The following FRMD6 variants were observed in gnomAD, a reference collection of about 807,000 sequenced individuals.
FRMD6 encodes the protein FERM domain containing 6.
Under a neutral mutation model 73.2 loss-of-function variants are expected in FRMD6, and 37 were observed. The observed-to-expected ratio is 0.51, with a 90% CI of 0.39 to 0.66. The LOEUF is 0.66. Ranked by LOEUF, FRMD6 falls within the 30% of genes least tolerant of loss-of-function variation. FRMD6 has a pLI of 0.00. For missense variants in FRMD6, 714 were observed against 780.5 expected (o/e 0.91, Z 1.02); for synonymous variants, 273 against 282.2 (o/e 0.97, Z 0.33).
the FRMD6 span, among the ~76,000 whole-genome samples, chr14:51,409,340 C>CTTTTTTTTTTTTTTTTTTTTTTTTTTG: frequency 1.2e-5 from 1 of 84,142 alleles, no homozygotes. Context: ...AAGTTTTTTG[C>CTTTTTTTTTTTTTTTTTTTTTTTTTTG]TTTTTTTTTT....
chr14:51,703,043 C>T (rs1443335072), intron 5 of FRMD6, among the ~76,000 whole-genome samples: 1 of 151,952 alleles, frequency 6.6e-6, no homozygotes. Context: ...TTTATATAAT[C>T]GGTTTTCTTT....
At chr14:51,489,516 A>G (rs10484092) in intron 1 of FRMD6, 7,470 of 152,522 alleles carry the variant, frequency 0.049, 344 homozygotes, top group East Asian at 0.17. Context: ...CAGTAGAATC[A>G]TCGAAGGGTT....
chr14:51,590,032 C>T (rs1889292865), intron 2 of FRMD6, among the ~76,000 whole-genome samples: 1 of 142,440 alleles, frequency 7.0e-6, no homozygotes, highest in Admixed American at 7.3e-5. Context: ...CGTGCTACCG[C>T]ACTCCAGCCT....
At chr14:51,614,169 G>T (rs1050130395) in intron 2 of FRMD6, among the ~76,000 whole-genome samples, 2 of 152,058 alleles carry the variant, frequency 1.3e-5, no homozygotes, top group Non-Finnish European at 2.9e-5. Flanking sequence ...ACACATCTGC[G>T]CTTGGTTAAG....
intron 2 of FRMD6, among the ~76,000 whole-genome samples, chr14:51,632,294 G>C (rs890111864): frequency 2.0e-5 from 3 of 152,174 alleles, no homozygotes; most frequent in Non-Finnish European, 4.4e-5. Context: ...CCTTATAGCA[G>C]CGTGAGAATG....
intron 9 of FRMD6, among the ~76,000 whole-genome samples, chr14:51,713,385 G>A (rs1897056451): frequency 6.7e-6 from 1 of 150,134 alleles, no homozygotes; most frequent in African/African-American, 2.5e-5. Context: ...TTGAACCCGA[G>A]AGGCGATGGT....
At chr14:51,463,744 C>G in the FRMD6 span, among the ~76,000 whole-genome samples, 9,663 of 152,284 alleles carry the variant, frequency 0.063, 561 homozygotes, top group Admixed American at 0.19. Context: ...GTATTGAGTA[C>G]TTACCCACAA....
intron 1 of FRMD6, among the ~76,000 whole-genome samples, chr14:51,665,869 C>T (rs1008575978): frequency 1.3e-5 from 2 of 152,198 alleles, no homozygotes; most frequent in Admixed American, 6.5e-5. Context: ...GCCCTCTTCT[C>T]GTCTGCCGCC....
intron 13 of FRMD6, among the ~76,000 whole-genome samples, chr14:51,727,432 T>G (rs1898033865): frequency 1.3e-5 from 2 of 152,236 alleles, no homozygotes; most frequent in South Asian, 4.1e-4. Context: ...TTTGGATTAT[T>G]TGTAAAATGA....
Position 51,673,884 on chromosome 14 carries a change from T to C in FRMD6, c.-146-15807T>C, listed in dbSNP as rs184365420. ...GACAAGTTAAGAGTCTGAAAGGAAGTATTTCTTTTTTATTATCAGAATCTT... is the reference window on the plus strand; with the variant it reads ...GACAAGTTAAGAGTCTGAAAGGAAGCATTTCTTTTTTATTATCAGAATCTT... On this transcript the variant is annotated intron_variant, in intron 1 of 13. Coordinates refer to ENST00000344768, the MANE Select transcript of FRMD6 (RefSeq NM_001267046.2). 1.6e-4 allele frequency among the ~76,000 whole-genome samples: 25 copies of C among 152,324 alleles called. No individual in the cohort carries two copies. The South Asian group carries it at 1.7e-3, about 10-fold the overall frequency.
At chr14:51,562,497 G>T (rs555055114) in intron 1 of FRMD6, among the ~76,000 whole-genome samples, 1 of 152,204 alleles carries the variant, frequency 6.6e-6, no homozygotes, top group African/African-American at 2.4e-5. Context: ...GAATGAGTAC[G>T]AGTGGGAAGT....
intron 2 of FRMD6, among the ~76,000 whole-genome samples, chr14:51,634,777 C>G (rs909149946): frequency 2.0e-5 from 3 of 152,164 alleles, no homozygotes; most frequent in African/African-American, 7.2e-5. Context: ...TCTGGCCCTG[C>G]CACTAGTTAG....
chr14:51,599,661 C>T (rs949402903), intron 2 of FRMD6, among the ~76,000 whole-genome samples: 2 of 152,100 alleles, frequency 1.3e-5, no homozygotes, highest in African/African-American at 2.4e-5. Flanking sequence ...AAGCAATTAA[C>T]CTCATTAAAA....
chr14:51,635,586 G>A (rs1274617641), intron 2 of FRMD6, among the ~76,000 whole-genome samples: 1 of 152,194 alleles, frequency 6.6e-6, no homozygotes, highest in Non-Finnish European at 1.5e-5. Context: ...AACGTTTTAA[G>A]TAAATTTTAC....
intron 2 of FRMD6, among the ~76,000 whole-genome samples, chr14:51,603,544 A>G (rs1890123423): frequency 6.6e-6 from 1 of 152,158 alleles, no homozygotes; most frequent in Admixed American, 6.5e-5. Flanking sequence ...TTCCTTTGAT[A>G]CTAGAGATGG....
intron 1 of FRMD6, among the ~76,000 whole-genome samples, chr14:51,539,983 A>G (rs1886115785): frequency 6.6e-6 from 1 of 152,214 alleles, no homozygotes; most frequent in South Asian, 2.1e-4. Flanking sequence ...CACTCCAACA[A>G]AAGGCACACT....
At chr14:51,485,219 C>T (rs1056022258), upstream of FRMD6, among the ~76,000 whole-genome samples, 20 of 152,168 alleles carry the variant, frequency 1.3e-4, no homozygotes, top group African/African-American at 4.8e-4. Flanking sequence ...CCTCCACGGC[C>T]TTTGCTCTGC....
chr14:51,461,101 T>A, the FRMD6 span, among the ~76,000 whole-genome samples: 1 of 152,228 alleles, frequency 6.6e-6, no homozygotes, highest in African/African-American at 2.4e-5. Context: ...ACATGTGTAC[T>A]TGAGTTAAGC....
intron 2 of FRMD6, among the ~76,000 whole-genome samples, chr14:51,603,903 C>A (rs1890138445): frequency 6.6e-6 from 1 of 151,146 alleles, no homozygotes; most frequent in African/African-American, 2.4e-5. Flanking sequence ...GAATATTTGC[C>A]ATACGATGTC....
Sources: gnomAD v4.1 joint callset for allele counts (sites outside exome capture counted in the v4.1 genomes callset) on GRCh38, gnomAD v4.1.1 for gene constraint, MANE v1.5 for transcripts, NCBI Gene and HGNC (gene_info 2026-07-23, HGNC 2026-07-21) for gene names.